Variants in FBXO36 observed in about 807,000 individuals in gnomAD.
The protein encoded by FBXO36 is F-box protein 36.
A neutral mutation model predicts 17.0 loss-of-function variants in FBXO36; 18 were observed. The ratio of observed to expected loss-of-function variants is 1.06; its 90% confidence interval spans 0.73 to 1.57. The LOEUF (loss-of-function observed/expected upper bound fraction) is 1.57, where lower values mean the gene tolerates loss of function less well. Ranked by LOEUF, FBXO36 falls within the 40% of genes most tolerant of loss-of-function variation. FBXO36 has a pLI of 0.00. For synonymous variants in FBXO36, 83 were observed against 85.3 expected (o/e 0.97, Z 0.15); for missense variants, 229 against 221.9 (o/e 1.03, Z -0.20).
chr2:229,993,931 T>TTTTC, intron 2 of FBXO36, among the ~76,000 whole-genome samples: 1 of 151,966 alleles, frequency 6.6e-6, no homozygotes, highest in South Asian at 2.1e-4. Flanking sequence ...AATTTTTTTT[T>TTTTC]TTTCTTTTTG....
At chr2:229,939,249 T>C (rs1171006182) in intron 1 of FBXO36, 1 of 985,132 alleles carries the variant, frequency 1.0e-6, no homozygotes, top group East Asian at 1.1e-4. Flanking sequence ...CTCGTAATAA[T>C]GTTTCAAGGA....
chr2:229,989,255 TTTTA>T (rs1235776812), intron 2 of FBXO36, among the ~76,000 whole-genome samples: 2 of 152,126 alleles, frequency 1.3e-5, no homozygotes, highest in African/African-American at 4.8e-5. Context: ...GTATTTTTAT[TTTTA>T]TTTATTTATT....
intron 1 of FBXO36, among the ~76,000 whole-genome samples, chr2:229,966,972 A>G (rs1469853858): frequency 1.3e-5 from 2 of 152,216 alleles, no homozygotes; most frequent in African/African-American, 4.8e-5. Context: ...TACCTTGGGC[A>G]GTATGGCCAT....
At chr2:229,938,451 C>G (rs62191700) in intron 1 of FBXO36, among the ~76,000 whole-genome samples, 1 of 147,154 alleles carries the variant, frequency 6.8e-6, no homozygotes, top group South Asian at 2.1e-4. Flanking sequence ...CGTGAGCCAC[C>G]GCGCCAGACC....
chr2:229,965,998 G>A (rs1485832808), intron 1 of FBXO36, among the ~76,000 whole-genome samples: 5 of 152,182 alleles, frequency 3.3e-5, no homozygotes, highest in Admixed American at 6.6e-5. Context: ...CCCACCAACA[G>A]TGTAAAAGTG....
intron 2 of FBXO36, among the ~76,000 whole-genome samples, chr2:229,987,153 G>A (rs1158088518): frequency 6.6e-6 from 1 of 150,846 alleles, no homozygotes; most frequent in African/African-American, 2.4e-5. Flanking sequence ...AGAGGCTGCA[G>A]TGAGTCAAGA....
chr2:229,953,881 T>C (rs986561673), intron 1 of FBXO36, among the ~76,000 whole-genome samples: 5 of 152,132 alleles, frequency 3.3e-5, no homozygotes, highest in Admixed American at 2.0e-4. Context: ...TTTTTTTAAA[T>C]TTTAAAGACA....
At chr2:229,937,765 TTCTC>T (rs912001662) in intron 1 of FBXO36, 1 of 152,062 alleles carries the variant, frequency 6.6e-6, no homozygotes, top group East Asian at 1.9e-4. Flanking sequence ...ACACATGGGT[TTCTC>T]TCTCTTTTTT....
At chr2:229,923,847 G>GTTTTTTTTTTTTTTTTTTTTTTTT (rs71045800) in intron 1 of FBXO36, among the ~76,000 whole-genome samples, 1 of 77,710 alleles carries the variant, frequency 1.3e-5, no homozygotes, top group Admixed American at 1.6e-4. Context: ...TTTTGGTGTT[G>GTTTTTTTTTTTTTTTTTTTTTTTT]TTTTTTTTTT....
chr2:229,936,960 C>T (rs1233477864), intron 1 of FBXO36, among the ~76,000 whole-genome samples: 1 of 152,122 alleles, frequency 6.6e-6, no homozygotes, highest in Admixed American at 6.6e-5. Flanking sequence ...AAGCCTGATC[C>T]ATGTAGCTGA....
At chr2:229,965,147 C>CTTTTTT (rs34600346) in intron 1 of FBXO36, among the ~76,000 whole-genome samples, 2 of 121,146 alleles carry the variant, frequency 1.7e-5, no homozygotes, top group Non-Finnish European at 3.4e-5. Flanking sequence ...TTCTTCCTTC[C>CTTTTTT]TTTTTTTTTT....
chr2:229,976,109 G>T (rs1179096368), intron 1 of FBXO36, 132 bp from the exon 2 acceptor site: 4 of 595,612 alleles, frequency 6.7e-6, no homozygotes, highest in Non-Finnish European at 1.2e-5. Context: ...CTAATTTGAT[G>T]TGATGCCAGA....
At chr2:229,952,858 T>C (rs2077064445) in intron 1 of FBXO36, among the ~76,000 whole-genome samples, 1 of 152,142 alleles carries the variant, frequency 6.6e-6, no homozygotes, top group South Asian at 2.1e-4. Flanking sequence ...TGCTGGCCAG[T>C]AGATCATGAC....
chr2:229,938,216 C>CTTTTTTTTT lies in FBXO36; in HGVS notation c.96+15621_96+15629dup, dbSNP rs71049603. On this transcript the variant is annotated intron_variant, in intron 1 of 3. Coordinates refer to ENST00000283946, the MANE Select transcript of FBXO36 (RefSeq NM_174899.5). ...AACCGGATTGGTTAGATACAACTTT[C>CTTTTTTTTT]TTTTTTTTTTTTTTTTTTTTTTGAG... Among the ~76,000 whole-genome samples the CTTTTTTTTT allele has an allele frequency of 8.2e-5, 6 of 73,256 alleles. 1 individual carries two copies. Among genetic ancestry groups the CTTTTTTTTT allele is most frequent in the African/African-American group, 5.6e-5 (1 of 17,868 alleles). The allele number at this position is 73,256 out of a possible 152,430, so 48.1% of individuals were successfully genotyped here. A position where few individuals can be genotyped will look rare whatever the true frequency, so the allele number is the denominator to read the frequency against.
chr2:229,925,947 T>G (rs2076909691), intron 1 of FBXO36, among the ~76,000 whole-genome samples: 1 of 152,012 alleles, frequency 6.6e-6, no homozygotes, highest in South Asian at 2.1e-4. Flanking sequence ...ATCTTTATAA[T>G]GATGATCTCC....
intron 1 of FBXO36, among the ~76,000 whole-genome samples, chr2:229,970,219 T>C (rs1577347616): frequency 6.6e-6 from 1 of 152,260 alleles, no homozygotes; most frequent in East Asian, 1.9e-4. Context: ...ACACAAATGT[T>C]TATAAAAACT....
At chr2:229,955,939 GTTC>G (rs1447049405) in intron 1 of FBXO36, among the ~76,000 whole-genome samples, 2 of 152,210 alleles carry the variant, frequency 1.3e-5, no homozygotes, top group African/African-American at 4.8e-5. Flanking sequence ...TTGAGGGCAA[GTTC>G]TTCTAAACTT....
intron 2 of FBXO36, among the ~76,000 whole-genome samples, chr2:229,981,250 A>T (rs970107538): frequency 6.6e-6 from 1 of 152,192 alleles, no homozygotes; most frequent in Admixed American, 6.6e-5. Flanking sequence ...ACTACTTGGG[A>T]GGCTGAAGTG....
intron 1 of FBXO36, chr2:229,937,838 C>G (rs1017056118): frequency 1.3e-5 from 2 of 151,242 alleles, no homozygotes; most frequent in Admixed American, 6.6e-5. Context: ...ATGCTAATCT[C>G]TGTATCGTTT....
Sources: allele counts gnomAD v4.1 joint callset (sites outside exome capture counted in the v4.1 genomes callset), GRCh38; gene constraint gnomAD v4.1.1; transcripts MANE v1.5; gene names NCBI Gene and HGNC (gene_info 2026-07-23, HGNC 2026-07-21).